NUBPL: variants seen among roughly 807,000 people sequenced by gnomAD.
The protein encoded by NUBPL is NUBP iron-sulfur cluster assembly factor, mitochondrial.
NUBPL carries 31 observed loss-of-function variants against 45.7 expected under a neutral mutation model. The observed-to-expected ratio is 0.68, with a 90% CI of 0.51 to 0.92. The LOEUF (loss-of-function observed/expected upper bound fraction) is 0.92. Ranked by LOEUF, NUBPL falls within the 40% of genes least tolerant of loss-of-function variation. NUBPL has a pLI of 0.00. For synonymous variants in NUBPL, 144 were observed against 140.9 expected, an observed-to-expected ratio of 1.02 and a Z score of -0.15; for missense variants, 401 against 398.7, an observed-to-expected ratio of 1.01 and a Z score of -0.05.
At chr14:31,806,352 T>C (rs996410813) in intron 7 of NUBPL, among the ~76,000 whole-genome samples, 1 of 152,066 alleles carries the variant, frequency 6.6e-6, no homozygotes, top group African/African-American at 2.4e-5. Flanking sequence ...TGTTCTGTTA[T>C]TAAAAGGTCT....
chr14:31,674,520 C>G (rs1451892247), intron 6 of NUBPL, among the ~76,000 whole-genome samples: 1 of 152,046 alleles, frequency 6.6e-6, no homozygotes, highest in African/African-American at 2.4e-5. Context: ...ACTGTCAGAT[C>G]CCCTAGTTAG....
At chr14:31,756,865 G>A (rs1451478525) in intron 6 of NUBPL, among the ~76,000 whole-genome samples, 5 of 149,826 alleles carry the variant, frequency 3.3e-5, no homozygotes, top group Non-Finnish European at 7.4e-5. Context: ...ATTATTTTGA[G>A]ATACGTCCCA....
At chr14:31,667,410 A>G (rs1343933596) in intron 4 of NUBPL, among the ~76,000 whole-genome samples, 1 of 151,858 alleles carries the variant, frequency 6.6e-6, no homozygotes, top group East Asian at 1.9e-4. Flanking sequence ...CAGGTCATTT[A>G]TCTTCTTCTC....
intron 7 of NUBPL, among the ~76,000 whole-genome samples, chr14:31,798,303 GTT>G (rs71115031): frequency 1.5e-3 from 161 of 107,250 alleles, no homozygotes; most frequent in African/African-American, 5.9e-3. Context: ...TTTATTTATG[GTT>G]TTTTTTTTTT....
chr14:31,571,076 T>C (rs1212007234), intron 3 of NUBPL, among the ~76,000 whole-genome samples: 1 of 152,220 alleles, frequency 6.6e-6, no homozygotes, highest in Non-Finnish European at 1.5e-5. Context: ...CTAATCTGGG[T>C]TACTTGCCAA....
intron 7 of NUBPL, among the ~76,000 whole-genome samples, chr14:31,806,594 G>C (rs923097313): frequency 3.3e-5 from 5 of 151,772 alleles, no homozygotes; most frequent in African/African-American, 9.7e-5. Flanking sequence ...TCTTTTTTCT[G>C]TTTTATTTAT....
intron 6 of NUBPL, among the ~76,000 whole-genome samples, chr14:31,679,085 A>G (rs936867671): frequency 6.6e-6 from 1 of 152,210 alleles, no homozygotes; most frequent in Non-Finnish European, 1.5e-5. Context: ...CACAAAGTTC[A>G]GTGCAAAGTC....
intron 6 of NUBPL, among the ~76,000 whole-genome samples, chr14:31,783,497 G>A (rs1161295203): frequency 6.6e-6 from 1 of 151,184 alleles, no homozygotes; most frequent in East Asian, 1.9e-4. Context: ...TTTGTTCCTT[G>A]GAACCTTAAT....
At chr14:31,773,319 T>G (rs2039042685) in intron 6 of NUBPL, among the ~76,000 whole-genome samples, 1 of 152,228 alleles carries the variant, frequency 6.6e-6, no homozygotes, top group Admixed American at 6.5e-5. Flanking sequence ...GGCAAAAATT[T>G]TAATTTTAGT....
At chr14:31,705,184 C>T (rs1181679669) in intron 6 of NUBPL, among the ~76,000 whole-genome samples, 10 of 149,354 alleles carry the variant, frequency 6.7e-5, no homozygotes, top group Admixed American at 3.3e-4. Context: ...CGGAGTTGTT[C>T]GTCCCTCCTG....
chr14:31,784,031 A>T (rs1015951763), intron 6 of NUBPL, among the ~76,000 whole-genome samples: 2 of 152,138 alleles, frequency 1.3e-5, no homozygotes, highest in African/African-American at 4.8e-5. Context: ...TGTCAACCTG[A>T]AGTAATCAAA....
At chr14:31,613,931 A>G (rs1026219978) in intron 4 of NUBPL, among the ~76,000 whole-genome samples, 28 of 151,270 alleles carry the variant, frequency 1.9e-4, no homozygotes, top group African/African-American at 6.2e-4. Flanking sequence ...GAAGTCTTCA[A>G]TAAGAGATAT....
chr14:31,612,280 A>G (rs1220200349), intron 4 of NUBPL, among the ~76,000 whole-genome samples: 1 of 152,266 alleles, frequency 6.6e-6, no homozygotes, highest in East Asian at 1.9e-4. Flanking sequence ...TCTATAGGAA[A>G]ACAATCTAAT....
At chr14:31,726,259 A>G (rs1053600064) in intron 6 of NUBPL, among the ~76,000 whole-genome samples, 8 of 152,122 alleles carry the variant, frequency 5.3e-5, no homozygotes, top group Non-Finnish European at 1.0e-4. Context: ...CAAAGCACCG[A>G]TAGAATTATT....
chr14:31,666,234 T>TAG (rs1412527453), intron 4 of NUBPL, among the ~76,000 whole-genome samples: 3 of 15,422 alleles, frequency 1.9e-4, no homozygotes, highest in African/African-American at 6.6e-4. Flanking sequence ...TTAAGATATA[T>TAG]ATATATATAT....
intron 3 of NUBPL, among the ~76,000 whole-genome samples, chr14:31,594,933 G>T (rs1311173969): frequency 6.6e-6 from 1 of 152,146 alleles, no homozygotes; most frequent in South Asian, 2.1e-4. Flanking sequence ...TTTTAGGTAG[G>T]TCTTATTTAG....
chr14:31,727,356 A>G (rs1421588751), intron 6 of NUBPL, among the ~76,000 whole-genome samples: 6 of 152,180 alleles, frequency 3.9e-5, no homozygotes, highest in Admixed American at 6.5e-5. Context: ...TTCAGCCCCA[A>G]ATTACCTTGA....
At chr14:31,842,131 G>T (rs539599758) in intron 8 of NUBPL, among the ~76,000 whole-genome samples, 1 of 151,244 alleles carries the variant, frequency 6.6e-6, no homozygotes, top group Non-Finnish European at 1.5e-5. Context: ...GGGTTTCACC[G>T]TGTTAGCCAG....
intron 6 of NUBPL, among the ~76,000 whole-genome samples, chr14:31,707,020 C>G (rs1368456759): frequency 6.6e-6 from 1 of 152,232 alleles, no homozygotes; most frequent in Non-Finnish European, 1.5e-5. Context: ...TTTCTTAACT[C>G]TGCTTCTATA....
Sources: gnomAD v4.1 joint callset for allele counts (sites outside exome capture counted in the v4.1 genomes callset) on GRCh38, gnomAD v4.1.1 for gene constraint, MANE v1.5 for transcripts, NCBI Gene and HGNC (gene_info 2026-07-23, HGNC 2026-07-21) for gene names.